The following TTC33 variants were observed in gnomAD, a reference collection of about 807,000 sequenced individuals.
TTC33 encodes the protein tetratricopeptide repeat protein 33.
Under a neutral mutation model 29.4 loss-of-function variants are expected in TTC33, and 24 were observed. The ratio of observed to expected loss-of-function variants is 0.82; its 90% confidence interval spans 0.59 to 1.15. The LOEUF is 1.15. Among genes scored for constraint, TTC33 ranks in the 50% most tolerant of loss-of-function variants. The pLI is 0.00. For synonymous variants in TTC33, 107 were observed against 100.3 expected, an observed-to-expected ratio of 1.07 and a Z score of -0.40; for missense variants, 286 against 310.4, an observed-to-expected ratio of 0.92 and a Z score of 0.59.
intron 4 of TTC33, among the ~76,000 whole-genome samples, chr5:40,718,017 G>A (rs932582233): frequency 4.0e-5 from 6 of 151,460 alleles, no homozygotes; most frequent in East Asian, 3.9e-4. Context: ...AGCCAAGATC[G>A]CACAATTATG....
At position 40,716,226 on chromosome 5, in the gene TTC33, A is replaced by G. The variant is rs1579665601; in HGVS notation, c.708T>C (p.Ala236=). 6.2e-7 allele frequency: 1 copy of G among 1,614,228 alleles called. No homozygotes were observed. Among genetic ancestry groups the G allele is most frequent in the South Asian group, 1.1e-5 (1 of 91,080 alleles). Residue 236 remains alanine, a synonymous_variant, in exon 5 of 5, where the codon GCT becomes GCC. Coordinates refer to ENST00000337702, the MANE Select transcript of TTC33 (RefSeq NM_012382.3). ...SANKTMVIVS[A]SGAIETVTEK... ...CAGTTACAGTCTCTATGGCCCCAGA[A>G]GCAGACACAATAACCATTGTTTTAT...
chr5:40,734,538 G>T (rs1232543676), intron 2 of TTC33, among the ~76,000 whole-genome samples: 3 of 152,194 alleles, frequency 2.0e-5, no homozygotes, highest in Non-Finnish European at 4.4e-5. Context: ...GCCCTATACT[G>T]AGGTAAAGAA....
rs1742798500 is a variant in TTC33 at position 40,746,875 on chromosome 5, T to C, written c.144A>G (p.Lys48=). The change falls in exon 2 of 5, where the codon AAA becomes AAG. Residue 48 remains lysine (K), a synonymous_variant. Coordinates refer to ENST00000337702, the MANE Select transcript of TTC33 (RefSeq NM_012382.3). ...CAGCACAGCCTTCAAGAAGAATTTC[T>C]TTCCTACGTTTAATGGCATGAAGCC... ...GNWLHAIKRR[K]EILLEGCAEK... 1 of 1,614,072 alleles carries C rather than the reference T, an allele frequency of 6.2e-7. No homozygotes were observed. The highest frequency in any genetic ancestry group is 8.5e-7 in the Non-Finnish European group (1 of 1,180,048).
rs548472422 is a variant in TTC33 at position 40,740,998 on chromosome 5, G to C, written c.221+5800C>G. Among the ~76,000 whole-genome samples the C allele has an allele frequency of 1.2e-4, 18 of 151,948 alleles. No individual in the cohort carries two copies. In the South Asian group the frequency reaches 3.7e-3, roughly 32 times the overall value. On this transcript the variant is annotated intron_variant, in intron 2 of 4. Coordinates refer to ENST00000337702, the MANE Select transcript of TTC33 (RefSeq NM_012382.3). The stretch of plus-strand genomic sequence containing the variant: ...GTTTCCCTTTAATTATCTGAATATA[G>C]TTGTATTACCATTTTAATCTCTCTG...
At chr5:40,719,056 T>C (rs557755906) in intron 4 of TTC33, among the ~76,000 whole-genome samples, 141 of 152,320 alleles carry the variant, frequency 9.3e-4, no homozygotes, top group Middle Eastern at 3.4e-3. Flanking sequence ...CATTAAAAGG[T>C]ATTTTATTCA....
rs1741900253 is a variant in TTC33, at chr5:40,711,595, C to A, written c.*4550G>T. ...ATAGAATTGTGATTTATATATATAGCAGCTTTATTCATAATAGATCAAAAC... is the reference window on the plus strand; with the variant it reads ...ATAGAATTGTGATTTATATATATAGAAGCTTTATTCATAATAGATCAAAAC... On this transcript the variant is annotated 3_prime_UTR_variant, in exon 5 of 5. Transcript: ENST00000337702. 6.6e-6 allele frequency among the ~76,000 whole-genome samples: 1 copy of A among 152,014 alleles called. No individual in the cohort carries two copies. Among genetic ancestry groups the A allele is most frequent in the African/African-American group, 2.4e-5 (1 of 41,396 alleles).
At chr5:40,728,290 A>AAAAAAAAAAAAAAAAAAAAC (rs1742340122) in intron 4 of TTC33, 55 bp downstream of exon 4, 1 of 1,217,324 alleles carries the variant, frequency 8.2e-7, no homozygotes, top group Non-Finnish European at 1.1e-6. Flanking sequence ...TCAAAAAAAA[A>AAAAAAAAAAAAAAAAAAAAC]AAAAAGTCAA....
At chr5:40,739,500 C>G (rs1184864355) in intron 2 of TTC33, among the ~76,000 whole-genome samples, 2 of 152,128 alleles carry the variant, frequency 1.3e-5, no homozygotes, top group African/African-American at 2.4e-5. Context: ...AGGTTTCCCT[C>G]TTGGTACTGT....
intron 2 of TTC33, among the ~76,000 whole-genome samples, chr5:40,743,302 A>G (rs898701291): frequency 1.3e-5 from 2 of 152,232 alleles, no homozygotes; most frequent in Non-Finnish European, 2.9e-5. Context: ...GAGTCATAGC[A>G]CAAAGTTGTA....
chr5:40,743,752 C>T (rs1026113737), intron 2 of TTC33, among the ~76,000 whole-genome samples: 43 of 152,176 alleles, frequency 2.8e-4, no homozygotes, highest in African/African-American at 1.0e-3. Flanking sequence ...CCAGCCTGGG[C>T]AACAGTGCAA....
intron 2 of TTC33, among the ~76,000 whole-genome samples, chr5:40,738,758 T>C (rs1474794937): frequency 6.6e-6 from 1 of 152,076 alleles, no homozygotes; most frequent in African/African-American, 2.4e-5. Flanking sequence ...TAGGTAATAG[T>C]ATCTCATTGT....
chr5:40,750,438 G>C (rs561797097), intron 1 of TTC33, among the ~76,000 whole-genome samples: 2 of 152,096 alleles, frequency 1.3e-5, no homozygotes, highest in Non-Finnish European at 2.9e-5. Flanking sequence ...CACATCTGTA[G>C]TCCCACCTAC....
chr5:40,719,956 T>C (rs964849719), intron 4 of TTC33, among the ~76,000 whole-genome samples: 2 of 152,236 alleles, frequency 1.3e-5, no homozygotes, highest in African/African-American at 2.4e-5. Context: ...ATCAGATATA[T>C]GATTTACAAA....
intron 2 of TTC33, among the ~76,000 whole-genome samples, chr5:40,741,998 G>GA (rs1742705271): frequency 6.6e-6 from 1 of 151,340 alleles, no homozygotes; most frequent in Admixed American, 6.6e-5. Flanking sequence ...TCAAAAAAAA[G>GA]AAAAAAAAGA....
In TTC33 at chr5:40,746,882, C is replaced by CGTTT; in HGVS notation, c.133_136dup (p.Arg46GlnfsTer3). ...GCCTTCAAGAAGAATTTCTTTCCTA[C>CGTTT]GTTTAATGGCATGAAGCCAGTTCCC... On this transcript the variant is annotated frameshift_variant, in exon 2 of 5. Transcript: ENST00000337702. LOFTEE classifies it high-confidence loss of function. 1 of 1,614,082 alleles carries CGTTT rather than the reference C, an allele frequency of 6.2e-7. No homozygotes were observed. Among genetic ancestry groups the CGTTT allele is most frequent in the South Asian group, 1.1e-5 (1 of 91,080 alleles).
intron 1 of TTC33, among the ~76,000 whole-genome samples, chr5:40,748,478 G>A (rs1312167693): frequency 1.3e-5 from 2 of 152,196 alleles, no homozygotes; most frequent in South Asian, 4.1e-4. Context: ...TTACAGGCGT[G>A]AGCCACCGCA....
intron 2 of TTC33, 114 bp downstream of exon 2, chr5:40,746,684 T>C (rs1742793777): frequency 2.5e-6 from 2 of 812,456 alleles, no homozygotes; most frequent in East Asian, 5.5e-5. Flanking sequence ...ATTTAGCACC[T>C]AGAATAGATT....
At chr5:40,724,581 C>G (rs1232951851) in intron 4 of TTC33, among the ~76,000 whole-genome samples, 1 of 150,862 alleles carries the variant, frequency 6.6e-6, no homozygotes. Flanking sequence ...TGAAGTGAGC[C>G]GAGATCACAC....
At chr5:40,717,653 G>A (rs184382342) in intron 4 of TTC33, among the ~76,000 whole-genome samples, 1 of 152,178 alleles carries the variant, frequency 6.6e-6, no homozygotes, top group Non-Finnish European at 1.5e-5. Flanking sequence ...ATGTTCTCTG[G>A]GGGTAAAACT....
Sources: gnomAD v4.1 joint callset for allele counts (sites outside exome capture counted in the v4.1 genomes callset) on GRCh38, gnomAD v4.1.1 for gene constraint, MANE v1.5 for transcripts, NCBI Gene and HGNC (gene_info 2026-07-23, HGNC 2026-07-21) for gene names.